The following ZNF407 variants were observed in gnomAD, a reference collection of about 807,000 sequenced individuals.
ZNF407 encodes the protein zinc finger protein 407.
In ZNF407, 17 loss-of-function variants were observed where a neutral mutation model predicts 131.2. That is an observed-to-expected ratio of 0.13 (90% CI 0.09 to 0.19). ZNF407 has a LOEUF of 0.19. Ranked by LOEUF, ZNF407 falls within the 10% of genes least tolerant of loss-of-function variation. The probability of loss-of-function intolerance (pLI) is 1.00; values close to 1 mark genes in which losing one functional copy is unlikely to be tolerated. For missense variants in ZNF407, 2,681 were observed against 2,830.6 expected, an observed-to-expected ratio of 0.95 and a Z score of 1.20; for synonymous variants, 1,156 against 1,062.0, an observed-to-expected ratio of 1.09 and a Z score of -1.72.
intron 8 of ZNF407, among the ~76,000 whole-genome samples, chr18:74,952,961 A>G (rs1972232872): frequency 6.6e-6 from 1 of 152,176 alleles, no homozygotes; most frequent in South Asian, 2.1e-4. Context: ...GTGGAATGGA[A>G]TATGGTCATT....
intron 4 of ZNF407, among the ~76,000 whole-genome samples, chr18:74,858,241 G>A (rs1190992154): frequency 2.0e-5 from 3 of 148,044 alleles, no homozygotes; most frequent in Admixed American, 1.4e-4. Context: ...GAATGTCCAC[G>A]TATTAACACC....
At chr18:75,003,930 G>A (rs1972877203) in intron 8 of ZNF407, among the ~76,000 whole-genome samples, 1 of 152,232 alleles carries the variant, frequency 6.6e-6, no homozygotes, top group African/African-American at 2.4e-5. Context: ...GCAAATGGCA[G>A]CAGGGCAGCA....
chr18:74,867,836 T>C (rs1345640029), intron 4 of ZNF407, among the ~76,000 whole-genome samples: 1 of 152,252 alleles, frequency 6.6e-6, no homozygotes, highest in Non-Finnish European at 1.5e-5. Context: ...ATCAGTTTCC[T>C]GATGAGTTAG....
chr18:74,753,732 A>G (rs1343638007), intron 3 of ZNF407, among the ~76,000 whole-genome samples: 1 of 152,064 alleles, frequency 6.6e-6, no homozygotes, highest in Admixed American at 6.5e-5. Context: ...TAGCTTTTTG[A>G]TATGCTGCTG....
chr18:75,002,526 G>A (rs1017319279), intron 8 of ZNF407, among the ~76,000 whole-genome samples: 1 of 152,170 alleles, frequency 6.6e-6, no homozygotes, highest in Non-Finnish European at 1.5e-5. Context: ...GTCAGGGCCG[G>A]GCGCGGTGGC....
At chr18:74,749,367 C>T (rs916740728) in intron 3 of ZNF407, among the ~76,000 whole-genome samples, 1 of 152,076 alleles carries the variant, frequency 6.6e-6, no homozygotes, top group South Asian at 2.1e-4. Context: ...ACTTCATCAA[C>T]GATGTTGGGT....
In ZNF407 at chr18:74,759,421, A is replaced by G. The variant is rs80049374; in HGVS notation, c.4803-22007A>G. On this transcript the variant is annotated intron_variant, in intron 3 of 8. Transcript: ENST00000299687. ...TAAGCTTTTGATCATGATTTCTTCA[A>G]TTTCTTTTCCTGCCCTCTTCTTACT... is the stretch of plus-strand genomic sequence containing the variant. 5.7e-3 allele frequency among the ~76,000 whole-genome samples: 872 copies of G among 151,952 alleles called. 6 individuals are homozygous for G. The highest frequency in any genetic ancestry group is 0.02 in the African/African-American group (826 of 41,448).
intron 7 of ZNF407, among the ~76,000 whole-genome samples, chr18:74,897,030 A>T (rs1465200846): frequency 6.6e-6 from 1 of 151,990 alleles, no homozygotes; most frequent in Non-Finnish European, 1.5e-5. Flanking sequence ...TTTCATATTC[A>T]GCTTGCTTTA....
intron 3 of ZNF407, among the ~76,000 whole-genome samples, chr18:74,710,645 T>C: frequency 6.6e-6 from 1 of 152,204 alleles, no homozygotes; most frequent in East Asian, 1.9e-4. Flanking sequence ...CTGAGTAATA[T>C]GTTTGTAAAT....
At position 74,907,952 on chromosome 18, in the gene ZNF407, A is replaced by C. The variant is rs1439192627; in HGVS notation, c.5250-12562A>C. 2.0e-5 allele frequency among the ~76,000 whole-genome samples: 3 copies of C among 152,116 alleles called. No homozygotes were observed. In the East Asian group the frequency reaches 5.8e-4, roughly 29 times the overall value. Reference sequence around the variant, plus strand: ...TCTGTCACCTTAAGTTTTAATTCGCATTTACTTAGTTTTTAGAGACCTTGA... The same window carrying C: ...TCTGTCACCTTAAGTTTTAATTCGCCTTTACTTAGTTTTTAGAGACCTTGA... On this transcript the variant is annotated intron_variant, in intron 7 of 8. Coordinates refer to ENST00000299687, the MANE Select transcript of ZNF407 (RefSeq NM_017757.3).
intron 8 of ZNF407, among the ~76,000 whole-genome samples, chr18:74,935,422 C>T (rs894937006): frequency 2.6e-5 from 4 of 152,132 alleles, no homozygotes; most frequent in African/African-American, 7.2e-5. Context: ...AAACCACCGA[C>T]AGGATTAGGC....
intron 3 of ZNF407, among the ~76,000 whole-genome samples, chr18:74,752,402 G>A (rs1423777373): frequency 6.6e-6 from 1 of 152,082 alleles, no homozygotes; most frequent in Non-Finnish European, 1.5e-5. Context: ...GTCAATTTTG[G>A]CTTTTGTTGC....
intron 4 of ZNF407, among the ~76,000 whole-genome samples, chr18:74,851,079 C>A (rs1204982896): frequency 3.3e-5 from 5 of 152,188 alleles, no homozygotes; most frequent in African/African-American, 1.2e-4. Context: ...CTCCTTGATA[C>A]ACATTTTGAA....
At chr18:74,654,601 A>C (rs1032885993) in intron 3 of ZNF407, among the ~76,000 whole-genome samples, 3 of 151,816 alleles carry the variant, frequency 2.0e-5, no homozygotes, top group Non-Finnish European at 4.4e-5. Flanking sequence ...GAGACCAAGA[A>C]ATTTTCTTAA....
At chr18:74,939,428 T>A (rs933848055) in intron 8 of ZNF407, among the ~76,000 whole-genome samples, 2 of 152,210 alleles carry the variant, frequency 1.3e-5, no homozygotes, top group Non-Finnish European at 2.9e-5. Flanking sequence ...AAGTGAAATG[T>A]AAAAATTTAT....
intron 4 of ZNF407, among the ~76,000 whole-genome samples, chr18:74,802,733 AAT>A (rs1486472379): frequency 6.6e-6 from 1 of 152,204 alleles, no homozygotes; most frequent in Admixed American, 6.5e-5. Context: ...AATATATTTA[AAT>A]TGCATATTTT....
intron 4 of ZNF407, among the ~76,000 whole-genome samples, chr18:74,790,541 A>G (rs1218956456): frequency 2.0e-5 from 3 of 152,140 alleles, no homozygotes; most frequent in African/African-American, 7.2e-5. Context: ...ATTTTTGGCC[A>G]TTCTTTCTTT....
chr18:74,986,454 C>T (rs1447796270), intron 8 of ZNF407, among the ~76,000 whole-genome samples: 1 of 152,132 alleles, frequency 6.6e-6, no homozygotes, highest in African/African-American at 2.4e-5. Flanking sequence ...AATACTGTTT[C>T]TCGGACCACA....
chr18:74,848,702 A>C (rs1286024406), intron 4 of ZNF407, among the ~76,000 whole-genome samples: 3 of 152,232 alleles, frequency 2.0e-5, no homozygotes. Context: ...CCGTAAGGCC[A>C]GCAGCATCTT....
Sources: gnomAD v4.1 joint callset for allele counts (sites outside exome capture counted in the v4.1 genomes callset) on GRCh38, gnomAD v4.1.1 for gene constraint, MANE v1.5 for transcripts, NCBI Gene and HGNC (gene_info 2026-07-23, HGNC 2026-07-21) for gene names.